The following VPS13B variants were observed in gnomAD, a reference collection of about 807,000 sequenced individuals.
VPS13B encodes the protein vacuolar protein sorting 13 homolog B, also known as intermembrane lipid transfer protein VPS13B.
In VPS13B, 285 loss-of-function variants were observed where a neutral mutation model predicts 426.4. That is an observed-to-expected ratio of 0.67 (90% CI 0.61 to 0.74). The LOEUF (loss-of-function observed/expected upper bound fraction) is 0.74. VPS13B is among the 30% of genes least tolerant of loss of function. VPS13B has a pLI of 0.00. For synonymous variants in VPS13B, 1,676 were observed against 1,676.4 expected, an observed-to-expected ratio of 1.00 and a Z score of 0.01; for missense variants, 4,537 against 4,782.6, an observed-to-expected ratio of 0.95 and a Z score of 1.51.
intron 21 of VPS13B, among the ~76,000 whole-genome samples, chr8:99,392,893 CA>C (rs1814519457): frequency 6.6e-6 from 1 of 151,872 alleles, no homozygotes; most frequent in Non-Finnish European, 1.5e-5. Context: ...TTTTGTATCA[CA>C]AAAAGATTAT....
At chr8:99,298,789 T>C (rs1435286938) in intron 19 of VPS13B, among the ~76,000 whole-genome samples, 1 of 152,220 alleles carries the variant, frequency 6.6e-6, no homozygotes, top group Non-Finnish European at 1.5e-5. Context: ...TGGGAGTTAA[T>C]TGTCTTCCCA....
At position 99,507,175 on chromosome 8, in the gene VPS13B, T is replaced by C. The variant is rs1554824675; in HGVS notation, c.4196T>C (p.Val1399Ala). 2 of 1,613,914 alleles carry C rather than the reference T, an allele frequency of 1.2e-6. No individual in the cohort carries two copies. Among genetic ancestry groups the C allele is most frequent in the Non-Finnish European group, 1.7e-6 (2 of 1,179,900 alleles). Residue 1399 changes from valine (V) to alanine (A), a missense_variant, in exon 28 of 62, where the codon GTA becomes GCA. Around this residue, in one of 2 missense-constraint regions of VPS13B, gnomAD observed 4,311 missense variants for 4,474.3 expected, o/e 0.96. Coordinates refer to ENST00000357162, the MANE Select transcript of VPS13B (RefSeq NM_152564.5). ...TGGCAGTCAGGACATTTTGAAGGAGTATTTCTACAATGCAAAGAAAAATCT... is the reference window on the plus strand; with the variant it reads ...TGGCAGTCAGGACATTTTGAAGGAGCATTTCTACAATGCAAAGAAAAATCT... ...EGWQSGHFEGVFLQCKEKSVT... is the reference protein window; with the variant it reads ...EGWQSGHFEGAFLQCKEKSVT...
At chr8:99,484,675 GTTAATC>G (rs879430541) in intron 25 of VPS13B, among the ~76,000 whole-genome samples, 2 of 152,036 alleles carry the variant, frequency 1.3e-5, no homozygotes, top group Admixed American at 6.6e-5. Flanking sequence ...TGCACACATA[GTTAATC>G]TTAATCTACC....
intron 33 of VPS13B, among the ~76,000 whole-genome samples, chr8:99,595,193 G>GA (rs1826945304): frequency 1.3e-5 from 2 of 151,812 alleles, no homozygotes; most frequent in Admixed American, 6.6e-5. Flanking sequence ...ACATATAGAT[G>GA]AAAAATGTTA....
intron 2 of VPS13B, among the ~76,000 whole-genome samples, chr8:99,024,815 C>A (rs78791374): frequency 0.054 from 8,153 of 152,182 alleles, 248 homozygotes; most frequent in Non-Finnish European, 0.066. Context: ...TTTATCTTTG[C>A]TTGTTATGTA....
chr8:99,549,031 A>T (rs1008964066), intron 30 of VPS13B, among the ~76,000 whole-genome samples: 7 of 152,118 alleles, frequency 4.6e-5, no homozygotes, highest in Non-Finnish European at 8.8e-5. Flanking sequence ...GTACTTGGAA[A>T]ACTATCTACA....
chr8:99,814,827 C>T (rs1244891233), intron 44 of VPS13B, among the ~76,000 whole-genome samples: 1 of 152,136 alleles, frequency 6.6e-6, no homozygotes, highest in Non-Finnish European at 1.5e-5. Flanking sequence ...GTGTCTGACA[C>T]ATTTATGTTA....
chr8:99,184,062 T>C (rs1277322301), intron 16 of VPS13B, among the ~76,000 whole-genome samples: 1 of 152,230 alleles, frequency 6.6e-6, no homozygotes, highest in Non-Finnish European at 1.5e-5. Context: ...GTACTTCACT[T>C]CTTTTTATTG....
chr8:99,546,986 T>C (rs1322452463), intron 30 of VPS13B, among the ~76,000 whole-genome samples: 2 of 152,094 alleles, frequency 1.3e-5, no homozygotes, highest in Non-Finnish European at 2.9e-5. Flanking sequence ...ACTTGACTTT[T>C]AAAAAGTAAT....
chr8:99,243,269 G>A (rs1395536133), intron 17 of VPS13B, among the ~76,000 whole-genome samples: 2 of 152,166 alleles, frequency 1.3e-5, no homozygotes, highest in African/African-American at 4.8e-5. Flanking sequence ...TCTTGATCAG[G>A]AGACAGACAA....
intron 19 of VPS13B, among the ~76,000 whole-genome samples, chr8:99,381,570 A>T (rs570680214): frequency 1.3e-4 from 20 of 152,106 alleles, no homozygotes; most frequent in African/African-American, 4.6e-4. Context: ...AACATCTGTT[A>T]TTTTTTGACG....
At chr8:99,833,722 GAAACA>G (rs1815218818) in intron 52 of VPS13B, among the ~76,000 whole-genome samples, 1 of 152,130 alleles carries the variant, frequency 6.6e-6, no homozygotes, top group South Asian at 2.1e-4. Context: ...AACAAAATTT[GAAACA>G]AAACAATTTG....
At chr8:99,088,919 G>A (rs954787949) in intron 3 of VPS13B, among the ~76,000 whole-genome samples, 7 of 152,056 alleles carry the variant, frequency 4.6e-5, no homozygotes, top group Admixed American at 3.3e-4. Flanking sequence ...ATTCCTGCAG[G>A]TACAGTCTTT....
chr8:99,458,804 A>G (rs1233192148), intron 23 of VPS13B, among the ~76,000 whole-genome samples: 1 of 152,154 alleles, frequency 6.6e-6, no homozygotes, highest in Admixed American at 6.5e-5. Context: ...AGTTCATTGT[A>G]GATTCTGGAT....
chr8:99,646,411 G>T (rs747941721), intron 34 of VPS13B, among the ~76,000 whole-genome samples: 12 of 152,096 alleles, frequency 7.9e-5, no homozygotes, highest in Admixed American at 4.6e-4. Flanking sequence ...TGTAGTCTGA[G>T]CTATTGAGAA....
intron 2 of VPS13B, among the ~76,000 whole-genome samples, chr8:99,029,327 A>C (rs1842376676): frequency 6.8e-6 from 1 of 147,250 alleles, no homozygotes; most frequent in Non-Finnish European, 1.5e-5. Flanking sequence ...CTCACATCCC[A>C]GACGATGGGC....
chr8:99,504,835 T>C (rs113694056), intron 27 of VPS13B, among the ~76,000 whole-genome samples: 14 of 152,174 alleles, frequency 9.2e-5, no homozygotes, highest in African/African-American at 3.4e-4. Flanking sequence ...AACCCAGGCA[T>C]TGACTTCTCC....
chr8:99,322,114 T>C (rs1563667529), intron 19 of VPS13B, among the ~76,000 whole-genome samples: 1 of 152,186 alleles, frequency 6.6e-6, no homozygotes, highest in African/African-American at 2.4e-5. Context: ...CGAGCAACCT[T>C]GTTGTTTGTG....
intron 17 of VPS13B, among the ~76,000 whole-genome samples, chr8:99,265,685 T>A (rs992511347): frequency 1.3e-5 from 2 of 152,214 alleles, no homozygotes; most frequent in Non-Finnish European, 2.9e-5. Flanking sequence ...GATAAAATTT[T>A]AGTCATGCCT....
Sources: gnomAD v4.1 joint callset for allele counts (sites outside exome capture counted in the v4.1 genomes callset) on GRCh38, gnomAD v4.1.1 for gene constraint, gnomAD v4.1.1 regional missense constraint, MANE v1.5 for transcripts, NCBI Gene and HGNC (gene_info 2026-07-23, HGNC 2026-07-21) for gene names.